Variants in FGF13 observed in about 807,000 individuals in gnomAD.
FGF13 encodes the protein fibroblast growth factor homologous factor 2.
Under a neutral mutation model 19.5 loss-of-function variants are expected in FGF13, and 2 were observed. The observed-to-expected ratio is 0.10, with a 90% CI of 0.04 to 0.32. FGF13 has a LOEUF of 0.32. Ranked by LOEUF, FGF13 falls within the 10% of genes least tolerant of loss-of-function variation. The pLI is 1.00. For synonymous variants in FGF13, 72 were observed against 76.9 expected (o/e 0.94, Z 0.33); for missense variants, 113 against 192.7 (o/e 0.59, Z 2.45).
At chrX:139,078,501 G>T (rs1309985900) in intron 1 of FGF13, among the ~76,000 whole-genome samples, 2 of 112,400 alleles carry the variant, frequency 1.8e-5, no homozygotes, top group African/African-American at 6.5e-5. Flanking sequence ...CACTGAATTT[G>T]TTAAGACTTT....
At position 138,630,900 on chromosome X, in the gene FGF13, T is replaced by C. The variant is rs2089109108; in HGVS notation, c.*1950A>G. ...ACTTTAAATGTGCTTAGAACGCTTATATTAGCTTACAGTTGGACAAAATCA... is the reference window on the plus strand; with the variant it reads ...ACTTTAAATGTGCTTAGAACGCTTACATTAGCTTACAGTTGGACAAAATCA... On this transcript the variant is annotated 3_prime_UTR_variant, in exon 5 of 5. Coordinates refer to ENST00000315930, the MANE Select transcript of FGF13 (RefSeq NM_004114.5). The C allele has an allele frequency of 8.9e-6, 1 of 112,318 alleles. No homozygotes were observed. The highest frequency in any genetic ancestry group is 4.2e-3 in the Middle Eastern group (1 of 239). 9.3% of individuals were successfully genotyped at this position (112,318 alleles called of 1,213,427 possible).
At chrX:138,761,999 A>G (rs969880606) in intron 3 of FGF13, among the ~76,000 whole-genome samples, 11 of 107,777 alleles carry the variant, frequency 1.0e-4, no homozygotes, top group African/African-American at 3.7e-4. Context: ...GAAAGGTTCT[A>G]TACCTCTGCA....
chrX:139,192,597 T>C lies in FGF13; in HGVS notation c.-113+10819A>G, dbSNP rs528112210. The stretch of plus-strand genomic sequence containing the variant: ...AAACCAGCTGTGCATTAGAACCACT[T>C]GAGGAGCTTAATAAAAAATGTGGCT... On this transcript the variant is annotated intron_variant, in intron 1 of 2. Transcript: ENST00000421460. Among the ~76,000 whole-genome samples the C allele has an allele frequency of 2.0e-4, 22 of 112,129 alleles. No individual in the cohort carries two copies. In the South Asian group the frequency reaches 8.3e-3, roughly 42 times the overall value.
rs767071141 is a variant in FGF13 at position 138,703,213 on chromosome X, CTGTT to C, written c.299-130_299-127del. The C allele has an allele frequency of 7.9e-6, 4 of 507,476 alleles. No homozygotes were observed. The East Asian group carries it at 1.1e-4, about 14-fold the overall frequency. 41.8% of individuals were successfully genotyped at this position (507,476 alleles called of 1,213,427 possible). ...AGTTGGTGAGGGTATGCATATATGT[CTGTT>C]TATGTAGACATGCATACACATACAG... On this transcript the variant is annotated intron_variant, in intron 2 of 4. Transcript: ENST00000315930.
rs973822972 is a variant in FGF13, at chrX:138,616,963, G to A, written c.*15887C>T. 1 of 111,887 alleles carries A rather than the reference G, an allele frequency of 8.9e-6. No homozygotes were observed. The highest frequency in any genetic ancestry group is 1.9e-5 in the Non-Finnish European group (1 of 53,200). 9.2% of individuals were successfully genotyped at this position (111,887 alleles called of 1,213,427 possible). A position where few individuals can be genotyped will look rare whatever the true frequency, so the allele number is the denominator to read the frequency against. ...TGTTTCAAGGCTGCAAAGAGCAAGG[G>A]GGGGTGCCTGAGGCCTGGCCCACTA... On this transcript the variant is annotated 3_prime_UTR_variant, in exon 5 of 5. Transcript: ENST00000315930.
Position 138,969,373 on chromosome X carries a change from TAG to T in FGF13, c.-112-104725_-112-104724del, listed in dbSNP as rs1357457791. Among the ~76,000 whole-genome samples, 9 of 111,548 alleles carry T rather than the reference TAG, an allele frequency of 8.1e-5. 1 individual carries two copies. The highest frequency in any genetic ancestry group is 2.9e-4 in the Admixed American group (3 of 10,491). ...AGGGAACTTTGGGATAGGACATATC[TAG>T]AGAGATGGGTGACAGAGAATGAAAC... On this transcript the variant is annotated intron_variant, in intron 1 of 2. Coordinates refer to the FGF13 transcript ENST00000421460.
chrX:138,742,440 C>T (rs1470064118), upstream of FGF13, among the ~76,000 whole-genome samples: 1 of 111,576 alleles, frequency 9.0e-6, no homozygotes, highest in East Asian at 2.8e-4. Context: ...GAGGTCACCA[C>T]ATGGCGCTGT....
chrX:138,675,213 T>C, intron 3 of FGF13, among the ~76,000 whole-genome samples: 1 of 112,418 alleles, frequency 8.9e-6, no homozygotes, highest in East Asian at 2.8e-4. Flanking sequence ...ATACTGTTTC[T>C]CATGCCATTT....
intron 3 of FGF13, among the ~76,000 whole-genome samples, chrX:138,646,146 G>T (rs1308797758): frequency 3.6e-5 from 4 of 112,086 alleles, no homozygotes; most frequent in African/African-American, 1.3e-4. Context: ...GAATAGTTAT[G>T]GCATTCAAGT....
At chrX:138,804,741 T>C (rs987518985) in intron 3 of FGF13, among the ~76,000 whole-genome samples, 1 of 112,299 alleles carries the variant, frequency 8.9e-6, no homozygotes, top group African/African-American at 3.2e-5. Flanking sequence ...TGTATAAGTA[T>C]ATTAAAAAAC....
At chrX:138,719,615 T>C (rs2090133700) in intron 1 of FGF13, among the ~76,000 whole-genome samples, 2 of 112,140 alleles carry the variant, frequency 1.8e-5, no homozygotes, top group African/African-American at 3.2e-5. Context: ...CTTTCCACAC[T>C]GTAAGCTTTT....
intron 3 of FGF13, among the ~76,000 whole-genome samples, chrX:138,657,444 T>C (rs1011247824): frequency 1.8e-5 from 2 of 112,216 alleles, no homozygotes; most frequent in Admixed American, 1.9e-4. Context: ...GACACAAGCA[T>C]TTAAATATGG....
At chrX:138,923,591 C>T (rs2091657578) in intron 1 of FGF13, among the ~76,000 whole-genome samples, 2 of 111,219 alleles carry the variant, frequency 1.8e-5, no homozygotes, top group South Asian at 7.7e-4. Flanking sequence ...CCCTTGTTGC[C>T]GCCCATTTGA....
At chrX:138,890,312 G>A (rs935698815) in intron 1 of FGF13, among the ~76,000 whole-genome samples, 4 of 111,564 alleles carry the variant, frequency 3.6e-5, no homozygotes, top group Non-Finnish European at 7.5e-5. Context: ...TATTTTTGTA[G>A]TACCTGTTAT....
chrX:139,013,374 G>A (rs960228026), intron 1 of FGF13, among the ~76,000 whole-genome samples: 6 of 105,678 alleles, frequency 5.7e-5, no homozygotes, highest in Non-Finnish European at 1.2e-4. Context: ...GTCATTATAT[G>A]AAAAAGATAC....
intron 1 of FGF13, among the ~76,000 whole-genome samples, chrX:138,975,443 A>G (rs1483182787): frequency 2.7e-5 from 3 of 111,916 alleles, no homozygotes; most frequent in Non-Finnish European, 5.6e-5. Flanking sequence ...GCCTTAATCC[A>G]GTCTATCATT....
At chrX:138,904,665 G>GC (rs2091548380) in intron 1 of FGF13, among the ~76,000 whole-genome samples, 1 of 111,513 alleles carries the variant, frequency 9.0e-6, no homozygotes, top group African/African-American at 3.3e-5. Flanking sequence ...ATTCTAAGTT[G>GC]CTTGGCCTGT....
chrX:139,067,839 T>G (rs1365207113), intron 1 of FGF13, among the ~76,000 whole-genome samples: 1 of 110,865 alleles, frequency 9.0e-6, no homozygotes, highest in East Asian at 2.8e-4. Flanking sequence ...GTTGTTTGTT[T>G]TTTTCTTGTA....
At chrX:139,174,442 A>T (rs1321494169) in intron 1 of FGF13, among the ~76,000 whole-genome samples, 1 of 111,950 alleles carries the variant, frequency 8.9e-6, no homozygotes, top group Non-Finnish European at 1.9e-5. Context: ...TTTTGTTGCC[A>T]TTGCTTTTGG....
Sources: allele counts gnomAD v4.1 joint callset (sites outside exome capture counted in the v4.1 genomes callset), GRCh38; gene constraint gnomAD v4.1.1; transcripts MANE v1.5; gene names NCBI Gene and HGNC (gene_info 2026-07-23, HGNC 2026-07-21).